ELP4: variants seen among roughly 807,000 people sequenced by gnomAD.
The protein encoded by ELP4 is elongator acetyltransferase complex subunit 4, also known as elongator complex protein 4.
ELP4 carries 51 observed loss-of-function variants against 48.9 expected under a neutral mutation model. That is an observed-to-expected ratio of 1.04 (90% CI 0.83 to 1.32). ELP4 has a LOEUF of 1.32. Ranked by LOEUF, ELP4 falls within the 40% of genes most tolerant of loss-of-function variation. The probability of loss-of-function intolerance (pLI) is 0.00; values close to 1 mark genes in which losing one functional copy is unlikely to be tolerated. For synonymous variants in ELP4, 210 were observed against 189.2 expected (o/e 1.11, Z -0.90); for missense variants, 519 against 514.6 (o/e 1.01, Z -0.08).
chr11:31,591,188 CAA>C (rs1450690905), intron 3 of ELP4, among the ~76,000 whole-genome samples: 1 of 151,962 alleles, frequency 6.6e-6, no homozygotes, highest in East Asian at 1.9e-4. Context: ...GGGTGGATCA[CAA>C]GGTCAGGAGA....
chr11:31,515,725 C>G (rs775974850), intron 1 of ELP4, among the ~76,000 whole-genome samples: 2 of 152,080 alleles, frequency 1.3e-5, no homozygotes, highest in Non-Finnish European at 2.9e-5. Context: ...GAGTACCTTT[C>G]TGGGCCAGAT....
At chr11:31,736,174 T>C (rs1265817618) in intron 9 of ELP4, among the ~76,000 whole-genome samples, 1 of 152,104 alleles carries the variant, frequency 6.6e-6, no homozygotes, top group African/African-American at 2.4e-5. Flanking sequence ...TAAAGCCGCA[T>C]ATCTACAACT....
chr11:31,651,746 A>T (rs183152032), intron 9 of ELP4: 13 of 151,858 alleles, frequency 8.6e-5, no homozygotes, highest in Non-Finnish European at 1.3e-4. Flanking sequence ...CAAAATCAGT[A>T]TTCTAACAAC....
chr11:31,533,368 CTTTTTTTTTTTTTT>C (rs71060492), intron 2 of ELP4, among the ~76,000 whole-genome samples: 7 of 50,460 alleles, frequency 1.4e-4, no homozygotes, highest in South Asian at 1.4e-3. Context: ...CCATCTCATT[CTTTTTTTTTTTTTT>C]TTTTTTTTTT....
chr11:31,722,697 GTCTCTCTCTTTCTCTCTCTC>G (rs1266277098), intron 9 of ELP4, among the ~76,000 whole-genome samples: 2 of 90,608 alleles, frequency 2.2e-5, no homozygotes, highest in African/African-American at 1.1e-4. Flanking sequence ...CTCTCTCTCT[GTCTCTCTCTTTCTCTCTCTC>G]TCTCTCTCTT....
At chr11:31,569,580 A>C (rs1320655186) in intron 3 of ELP4, among the ~76,000 whole-genome samples, 1 of 152,084 alleles carries the variant, frequency 6.6e-6, no homozygotes, top group Non-Finnish European at 1.5e-5. Flanking sequence ...GCAGTAAATC[A>C]GCTGGGCATG....
At chr11:31,755,199 A>T (rs1440688929) in intron 9 of ELP4, among the ~76,000 whole-genome samples, 3 of 152,230 alleles carry the variant, frequency 2.0e-5, no homozygotes, top group Non-Finnish European at 2.9e-5. Flanking sequence ...CCCTAAAATA[A>T]AATAAATATC....
intron 9 of ELP4, among the ~76,000 whole-genome samples, chr11:31,750,975 C>T (rs531562707): frequency 1.2e-4 from 19 of 152,214 alleles, no homozygotes; most frequent in Non-Finnish European, 2.4e-4. Context: ...ATTCTTCAGG[C>T]TCCAGTATTT....
intron 4 of ELP4, among the ~76,000 whole-genome samples, chr11:31,601,142 G>A (rs1394923086): frequency 2.0e-5 from 3 of 150,268 alleles, no homozygotes; most frequent in Non-Finnish European, 4.4e-5. Flanking sequence ...ACAGTTTTTT[G>A]TAGATGATAA....
chr11:31,714,753 C>T, intron 9 of ELP4: 1 of 398,510 alleles, frequency 2.5e-6, no homozygotes, highest in Admixed American at 4.4e-5. Flanking sequence ...TGGCTTCTTC[C>T]TCCGTTTTCA....
chr11:31,604,784 C>A (rs528417924), intron 5 of ELP4, among the ~76,000 whole-genome samples: 54 of 151,908 alleles, frequency 3.6e-4, no homozygotes, highest in Admixed American at 1.0e-3. Context: ...TTAAATGTTT[C>A]CAAAAATGTT....
At chr11:31,555,842 A>G (rs2133934900) in intron 3 of ELP4, among the ~76,000 whole-genome samples, 1 of 152,064 alleles carries the variant, frequency 6.6e-6, no homozygotes, top group South Asian at 2.1e-4. Flanking sequence ...TATACTTAGA[A>G]CTTTATTTTC....
At chr11:31,520,987 A>G (rs1008839035) in intron 2 of ELP4, among the ~76,000 whole-genome samples, 4 of 152,080 alleles carry the variant, frequency 2.6e-5, no homozygotes, top group Non-Finnish European at 5.9e-5. Flanking sequence ...TAAAATAAAT[A>G]TGTTAATCTA....
intron 9 of ELP4, among the ~76,000 whole-genome samples, chr11:31,693,353 C>T (rs965459524): frequency 2.0e-5 from 3 of 151,862 alleles, no homozygotes; most frequent in East Asian, 3.9e-4. Flanking sequence ...TATTCCCCTT[C>T]CTGTGTCTAA....
At chr11:31,665,598 T>A (rs1945655202) in intron 9 of ELP4, among the ~76,000 whole-genome samples, 1 of 151,710 alleles carries the variant, frequency 6.6e-6, no homozygotes, top group Admixed American at 6.6e-5. Flanking sequence ...CTCTTGCCAG[T>A]TCTTGAAACA....
At chr11:31,773,611 C>T (rs1303227389) in intron 9 of ELP4, among the ~76,000 whole-genome samples, 1 of 152,200 alleles carries the variant, frequency 6.6e-6, no homozygotes, top group African/African-American at 2.4e-5. Flanking sequence ...TCTCTCAACT[C>T]CCATGAAGCT....
chr11:31,735,592 A>G (rs1455473260), intron 9 of ELP4, among the ~76,000 whole-genome samples: 1 of 152,168 alleles, frequency 6.6e-6, no homozygotes, highest in East Asian at 1.9e-4. Flanking sequence ...TCTCAGCCCA[A>G]AATCTCCTTA....
intron 9 of ELP4, among the ~76,000 whole-genome samples, chr11:31,730,034 C>T (rs1171156775): frequency 6.6e-6 from 1 of 152,122 alleles, no homozygotes; most frequent in African/African-American, 2.4e-5. Context: ...AGACCAGTTC[C>T]CTTTGTGAGA....
At chr11:31,769,551 G>A (rs10835817) in intron 9 of ELP4, among the ~76,000 whole-genome samples, 95,074 of 152,004 alleles carry the variant, frequency 0.63, 31,759 homozygotes, top group African/African-American at 0.88. Flanking sequence ...TCTCTATTCC[G>A]TAAGCTGTGT....
Sources: allele counts gnomAD v4.1 joint callset (sites outside exome capture counted in the v4.1 genomes callset), GRCh38; gene constraint gnomAD v4.1.1; transcripts MANE v1.5; gene names NCBI Gene and HGNC (gene_info 2026-07-23, HGNC 2026-07-21).